ZBTB43: variants seen among roughly 807,000 people sequenced by gnomAD.
The protein encoded by ZBTB43 is zinc finger and BTB domain-containing protein 43.
In ZBTB43, 6 loss-of-function variants were observed where a neutral mutation model predicts 31.1. That is an observed-to-expected ratio of 0.19 (90% CI 0.11 to 0.38). ZBTB43 has a LOEUF of 0.38. Among genes scored for constraint, ZBTB43 ranks in the 10% least tolerant of loss-of-function variants. The pLI, the probability that ZBTB43 is intolerant of heterozygous loss-of-function variation, is 1.00. For missense variants in ZBTB43, 379 were observed against 602.1 expected (o/e 0.63, Z 3.88); for synonymous variants, 212 against 221.7 (o/e 0.96, Z 0.39).
chr9:126,806,742 T>G (rs2032135101), intron 1 of ZBTB43, among the ~76,000 whole-genome samples: 1 of 152,236 alleles, frequency 6.6e-6, no homozygotes, highest in African/African-American at 2.4e-5. Context: ...CTGTAGTTGT[T>G]AGGAACACAG....
chr9:126,816,783 T>A (rs2032394888), intron 2 of ZBTB43, among the ~76,000 whole-genome samples: 1 of 152,178 alleles, frequency 6.6e-6, no homozygotes, highest in Admixed American at 6.5e-5. Context: ...GTTGGTGAAA[T>A]TGGGATACTA....
upstream of ZBTB43, among the ~76,000 whole-genome samples, chr9:126,804,617 T>C (rs1235380157): frequency 6.6e-6 from 1 of 152,150 alleles, no homozygotes; most frequent in Non-Finnish European, 1.5e-5. Flanking sequence ...CCCAAGTAGC[T>C]GGGATTACAG....
chr9:126,837,568 CACA>C lies in ZBTB43; in HGVS notation c.*3658_*3660del, dbSNP rs1235749234. ...TGGGTGGGCGTGGAGAGGGCGCCAT[CACA>C]ACGAGTCCAGGTTTTTGCTTTTGGA... On this transcript the variant is annotated 3_prime_UTR_variant, in exon 3 of 3. Coordinates refer to ENST00000373464, the MANE Select transcript of ZBTB43 (RefSeq NM_014007.4). 3 of 167,106 alleles carry C rather than the reference CACA, an allele frequency of 1.8e-5. No individual in the cohort carries two copies. Among genetic ancestry groups the C allele is most frequent in the African/African-American group, 7.2e-5 (3 of 41,452 alleles). The allele number at this position is 167,106 out of a possible 1,614,324, so 10.4% of individuals were successfully genotyped here. A position where few individuals can be genotyped will look rare whatever the true frequency, so the allele number is the denominator to read the frequency against.
At position 126,832,934 on chromosome 9, in the gene ZBTB43, C is replaced by T; in HGVS notation, c.425C>T (p.Ser142Leu). 1 of 1,613,866 alleles carries T rather than the reference C, an allele frequency of 6.2e-7. No homozygotes were observed. The highest frequency in any genetic ancestry group is 2.2e-5 in the East Asian group (1 of 44,872). Residue 142 changes from serine (S) to leucine (L), a missense_variant, in exon 3 of 3, where the codon TCA becomes TTA. By Grantham distance (145) the Ser-to-Leu change is moderately radical. Around this residue, in one of 5 missense-constraint regions of ZBTB43, gnomAD observed 253 missense variants for 322.3 expected, o/e 0.79. Coordinates refer to ENST00000373464, the MANE Select transcript of ZBTB43 (RefSeq NM_014007.4). ...QKLNHGSDHQ[S>L]PSSSSYNGLV... ...CTAAATCATGGCAGTGACCACCAGT[C>T]ACCAAGCAGCAGTAGTTATAATGGC... is the stretch of plus-strand genomic sequence containing the variant.
intron 2 of ZBTB43, among the ~76,000 whole-genome samples, chr9:126,821,026 G>A (rs907907208): frequency 1.3e-5 from 2 of 148,912 alleles, no homozygotes; most frequent in African/African-American, 4.9e-5. Context: ...AGCTGCTATT[G>A]ATAGTGATTC....
intron 2 of ZBTB43, among the ~76,000 whole-genome samples, chr9:126,818,962 G>T (rs1194530614): frequency 1.3e-5 from 2 of 152,146 alleles, no homozygotes; most frequent in African/African-American, 4.8e-5. Flanking sequence ...ATGTTTGTTA[G>T]AATTTACCAG....
chr9:126,805,732 C>G (rs963265368), intron 1 of ZBTB43, among the ~76,000 whole-genome samples: 1 of 152,232 alleles, frequency 6.6e-6, no homozygotes, highest in African/African-American at 2.4e-5. Flanking sequence ...GCTTCTGTGT[C>G]TGTTCACCCT....
At chr9:126,817,768 G>A (rs568183439) in intron 2 of ZBTB43, among the ~76,000 whole-genome samples, 2 of 152,252 alleles carry the variant, frequency 1.3e-5, no homozygotes, top group East Asian at 1.9e-4. Flanking sequence ...GAGCCACTGC[G>A]CCTGGCCCCA....
At chr9:126,824,034 CT>C (rs1298578752) in intron 2 of ZBTB43, among the ~76,000 whole-genome samples, 9 of 148,428 alleles carry the variant, frequency 6.1e-5, no homozygotes, top group Admixed American at 6.8e-5. Context: ...ACAATGATGG[CT>C]TTTTTTTTTG....
intron 2 of ZBTB43, among the ~76,000 whole-genome samples, chr9:126,810,495 CTTTTT>C (rs1163411798): frequency 1.4e-5 from 1 of 73,340 alleles, no homozygotes; most frequent in Non-Finnish European, 2.4e-5. Flanking sequence ...GCCCAGCCGT[CTTTTT>C]TTTTTTTTTT....
chr9:126,832,429 G>C, intron 2 of ZBTB43, 58 bp from the exon 3 acceptor site: 1 of 1,461,286 alleles, frequency 6.8e-7, no homozygotes, highest in South Asian at 1.4e-5. Flanking sequence ...ATGGAGGAGG[G>C]GATAAAATAA....
At chr9:126,820,573 T>G (rs191676260) in intron 2 of ZBTB43, among the ~76,000 whole-genome samples, 6 of 152,334 alleles carry the variant, frequency 3.9e-5, no homozygotes, top group Admixed American at 6.5e-5. Context: ...GATGGAGATG[T>G]ACAAGGACAT....
chr9:126,811,742 C>G (rs752152959), intron 2 of ZBTB43, among the ~76,000 whole-genome samples: 57 of 152,290 alleles, frequency 3.7e-4, no homozygotes, highest in Non-Finnish European at 7.6e-4. Flanking sequence ...TCTTCTGCCT[C>G]AGCCTCCCGA....
upstream of ZBTB43, among the ~76,000 whole-genome samples, chr9:126,804,407 C>G (rs1208938001): frequency 6.6e-6 from 1 of 152,158 alleles, no homozygotes; most frequent in African/African-American, 2.4e-5. Context: ...ATAATCTCCG[C>G]CAGGCATACT....
intron 2 of ZBTB43, among the ~76,000 whole-genome samples, chr9:126,817,583 C>G (rs961515313): frequency 2.6e-5 from 4 of 151,274 alleles, no homozygotes; most frequent in Non-Finnish European, 5.9e-5. Context: ...TCACACCATT[C>G]TCCTGCCTCA....
chr9:126,813,160 A>G (rs745803925), intron 2 of ZBTB43, among the ~76,000 whole-genome samples: 2 of 151,828 alleles, frequency 1.3e-5, no homozygotes, highest in East Asian at 1.9e-4. Flanking sequence ...TTGTATTTTT[A>G]GTAGAGACAG....
intron 1 of ZBTB43, among the ~76,000 whole-genome samples, chr9:126,808,074 G>C (rs2032166626): frequency 6.6e-6 from 1 of 152,112 alleles, no homozygotes; most frequent in African/African-American, 2.4e-5. Flanking sequence ...TACTGTTTCT[G>C]CCTTCTGCTT....
chr9:126,811,443 A>G (rs1206692097), intron 2 of ZBTB43, among the ~76,000 whole-genome samples: 1 of 152,188 alleles, frequency 6.6e-6, no homozygotes, highest in Non-Finnish European at 1.5e-5. Flanking sequence ...GACAGAGCAT[A>G]TAAAGTGCTT....
intron 2 of ZBTB43, among the ~76,000 whole-genome samples, chr9:126,828,654 A>AATTATTATTATTATTATTATT (rs59664603): frequency 7.8e-6 from 1 of 127,740 alleles, no homozygotes; most frequent in African/African-American, 3.1e-5. Context: ...TAATAATAAT[A>AATTATTATTATTATTATTATT]ATTATTATTA....
Sources: gnomAD v4.1 joint callset for allele counts (sites outside exome capture counted in the v4.1 genomes callset) on GRCh38, gnomAD v4.1.1 for gene constraint, gnomAD v4.1.1 regional missense constraint, MANE v1.5 for transcripts, NCBI Gene and HGNC (gene_info 2026-07-23, HGNC 2026-07-21) for gene names.